The following CFAP263 variants were observed in gnomAD, a reference collection of about 807,000 sequenced individuals.
The protein encoded by CFAP263 is cilia and flagella associated protein 263.
the CFAP263 span, among the ~76,000 whole-genome samples, chr16:58,278,187 G>A: frequency 6.6e-6 from 1 of 151,830 alleles, no homozygotes; most frequent in Non-Finnish European, 1.5e-5. Flanking sequence ...ACCCTAAGAA[G>A]TCAAAATAAG....
chr16:58,252,656 G>A, the CFAP263 span: 9,678 of 1,411,964 alleles, frequency 6.9e-3, 124 homozygotes, highest in East Asian at 0.045. Flanking sequence ...AGGTCTACTA[G>A]TTATTAAACA....
At chr16:58,254,061 G>A in the CFAP263 span, 9 of 1,614,190 alleles carry the variant, frequency 5.6e-6, no homozygotes, top group Admixed American at 1.7e-5. Context: ...CCTGACTGCC[G>A]ACCAAAAACT....
At chr16:58,271,605 T>G in the CFAP263 span, among the ~76,000 whole-genome samples, 1 of 152,218 alleles carries the variant, frequency 6.6e-6, no homozygotes, top group Admixed American at 6.5e-5. Context: ...CTTGACAGTT[T>G]TGAGGAGTAC....
chr16:58,278,145 A>T, the CFAP263 span, among the ~76,000 whole-genome samples: 4 of 152,174 alleles, frequency 2.6e-5, no homozygotes, highest in South Asian at 8.3e-4. Context: ...ATCAAAGTAT[A>T]CTTAAATACA....
the CFAP263 span, among the ~76,000 whole-genome samples, chr16:58,273,346 T>C: frequency 3.3e-5 from 5 of 152,202 alleles, no homozygotes; most frequent in Non-Finnish European, 5.9e-5. Context: ...GTATTCCACA[T>C]TTCTCCGAGA....
At chr16:58,258,503 G>A in the CFAP263 span, 6 of 1,614,068 alleles carry the variant, frequency 3.7e-6, no homozygotes, top group Non-Finnish European at 5.1e-6. Flanking sequence ...GAAATACATT[G>A]AGGACATGAA....
At chr16:58,278,744 C>T in the CFAP263 span, 1 of 1,042,094 alleles carries the variant, frequency 9.6e-7, no homozygotes, top group Non-Finnish European at 1.4e-6. Flanking sequence ...TATGTAATTT[C>T]TGGGAGAAAC....
At chr16:58,250,689 T>C in the CFAP263 span, among the ~76,000 whole-genome samples, 1 of 146,278 alleles carries the variant, frequency 6.8e-6, no homozygotes, top group Admixed American at 7.0e-5. Context: ...CACTTGAACT[T>C]GGGAGGCGGA....
the CFAP263 span, among the ~76,000 whole-genome samples, chr16:58,265,165 C>A: frequency 5.3e-4 from 81 of 152,328 alleles, no homozygotes; most frequent in Middle Eastern, 3.4e-3. Flanking sequence ...GAATCCCTGG[C>A]CCTTGGTGTC....
the CFAP263 span, among the ~76,000 whole-genome samples, chr16:58,274,930 A>G: frequency 6.6e-6 from 1 of 152,120 alleles, no homozygotes; most frequent in African/African-American, 2.4e-5. Context: ...TCTTCTCAGC[A>G]TGTCCCTCAC....
At chr16:58,260,367 C>T in the CFAP263 span, among the ~76,000 whole-genome samples, 1 of 152,158 alleles carries the variant, frequency 6.6e-6, no homozygotes, top group African/African-American at 2.4e-5. Flanking sequence ...CCTCCCAACC[C>T]ATTTCAGACT....
At chr16:58,260,472 C>G in the CFAP263 span, among the ~76,000 whole-genome samples, 1 of 152,194 alleles carries the variant, frequency 6.6e-6, no homozygotes, top group Non-Finnish European at 1.5e-5. Flanking sequence ...CATATGATGA[C>G]TGTGCAGGCA....
At chr16:58,259,838 T>G in the CFAP263 span, 4 of 1,458,974 alleles carry the variant, frequency 2.7e-6, no homozygotes, top group Non-Finnish European at 3.8e-6. Flanking sequence ...CATTAAAATA[T>G]GCCTTTATGT....
chr16:58,267,246 C>A, the CFAP263 span, among the ~76,000 whole-genome samples: 1 of 152,094 alleles, frequency 6.6e-6, no homozygotes, highest in African/African-American at 2.4e-5. Context: ...GGATTTAGGT[C>A]CCCGTGTGCC....
the CFAP263 span, chr16:58,252,788 G>T: frequency 6.2e-7 from 1 of 1,613,528 alleles, no homozygotes; most frequent in South Asian, 1.1e-5. Flanking sequence ...CGCTAAACTG[G>T]AGCCCAGGGA....
the CFAP263 span, chr16:58,283,141 G>A: frequency 2.6e-5 from 4 of 152,374 alleles, no homozygotes; most frequent in South Asian, 8.3e-4. Context: ...AATAAAGGCA[G>A]GATGGGTGAG....
the CFAP263 span, among the ~76,000 whole-genome samples, chr16:58,258,908 G>T: frequency 6.6e-6 from 1 of 151,996 alleles, no homozygotes. Flanking sequence ...AGCCTGGGAG[G>T]CGGAGATTGC....
the CFAP263 span, among the ~76,000 whole-genome samples, chr16:58,272,381 A>C: frequency 6.6e-6 from 1 of 152,158 alleles, no homozygotes; most frequent in East Asian, 1.9e-4. Flanking sequence ...ATGGGGATAC[A>C]TTCTGAGAAA....
the CFAP263 span, among the ~76,000 whole-genome samples, chr16:58,278,101 T>G: frequency 6.6e-6 from 1 of 152,202 alleles, no homozygotes; most frequent in South Asian, 2.1e-4. Flanking sequence ...ATATATCTTA[T>G]AATTAAAAAA....
Sources: allele counts gnomAD v4.1 joint callset (sites outside exome capture counted in the v4.1 genomes callset), GRCh38; gene constraint gnomAD v4.1.1; transcripts MANE v1.5; gene names NCBI Gene and HGNC (gene_info 2026-07-23, HGNC 2026-07-21).